The following RNF157 variants were observed in gnomAD, a reference collection of about 807,000 sequenced individuals.
The protein encoded by RNF157 is E3 ubiquitin ligase RNF157.
RNF157 carries 55 observed loss-of-function variants against 88.3 expected under a neutral mutation model. The observed-to-expected ratio is 0.62, with a 90% CI of 0.50 to 0.78. The LOEUF (loss-of-function observed/expected upper bound fraction) is 0.78, where lower values mean the gene tolerates loss of function less well. RNF157 is among the 30% of genes least tolerant of loss of function. The pLI is 0.00. For synonymous variants in RNF157, 334 were observed against 341.2 expected (o/e 0.98, Z 0.23); for missense variants, 788 against 860.8 (o/e 0.92, Z 1.06).
chr17:76,189,964 G>A (rs1472719612), intron 2 of RNF157, among the ~76,000 whole-genome samples: 1 of 152,180 alleles, frequency 6.6e-6, no homozygotes, highest in Non-Finnish European at 1.5e-5. Context: ...AGACCTTCCA[G>A]CACCTCCCAC....
At chr17:76,191,130 T>A (rs934247945) in intron 2 of RNF157, among the ~76,000 whole-genome samples, 8 of 152,128 alleles carry the variant, frequency 5.3e-5, no homozygotes, top group African/African-American at 1.9e-4. Flanking sequence ...AAGGACTACA[T>A]TCTATTCTAT....
intron 6 of RNF157, 64 bp downstream of exon 6, chr17:76,166,397 G>C: frequency 4.4e-6 from 6 of 1,356,460 alleles, no homozygotes; most frequent in Non-Finnish European, 6.3e-6. Context: ...GGCCACAGCT[G>C]CTGCCAGGAA....
chr17:76,173,012 C>T (rs4789247), intron 3 of RNF157, among the ~76,000 whole-genome samples: 44,906 of 151,990 alleles, frequency 0.3, 7,509 homozygotes, highest in African/African-American at 0.46. Flanking sequence ...GAAGGCTGGG[C>T]GCGGTGGCTC....
intron 2 of RNF157, among the ~76,000 whole-genome samples, chr17:76,186,559 A>G (rs2069291999): frequency 6.6e-6 from 1 of 152,128 alleles, no homozygotes; most frequent in South Asian, 2.1e-4. Flanking sequence ...TACTTATGTA[A>G]GATTCAAGAT....
In RNF157 at chr17:76,240,356, CCGCTGCGG is replaced by C. The variant is rs945259845; in HGVS notation, c.-124_-117del. 7.0e-6 allele frequency: 2 copies of C among 286,640 alleles called. No homozygotes were observed. Among genetic ancestry groups the C allele is most frequent in the Non-Finnish European group, 1.0e-5 (2 of 194,426 alleles). 17.8% of individuals were successfully genotyped at this position (286,640 alleles called of 1,614,324 possible). A position where few individuals can be genotyped will look rare whatever the true frequency, so the allele number is the denominator to read the frequency against. On this transcript the variant is annotated 5_prime_UTR_variant, in exon 1 of 19. An upstream open reading frame in the 5' UTR loses its in-frame stop. Transcript: ENST00000269391. The surrounding 1 kb of genome is among the most constrained non-coding windows in gnomAD (Gnocchi z 4.4). ...GGCCGACTGCCCGCCGCGGCCGGCT[CCGCTGCGG>C]CGCTGCGGCTCTGGCGGCGGGGAGC...
rs559137512 is a variant in RNF157, at chr17:76,230,765, G to A, written c.88+9388C>T. ...GGGCAGGAGAATCGCTTGAACCCAGGAGACGGAGGTTGCAATGAGCCAGGA... is the reference window on the plus strand; with the variant it reads ...GGGCAGGAGAATCGCTTGAACCCAGAAGACGGAGGTTGCAATGAGCCAGGA... On this transcript the variant is annotated intron_variant, in intron 1 of 18. Transcript: ENST00000269391. Among the ~76,000 whole-genome samples, 136 of 147,562 alleles carry A rather than the reference G, an allele frequency of 9.2e-4. 1 individual carries two copies. The highest frequency in any genetic ancestry group is 1.5e-3 in the Non-Finnish European group (100 of 67,382).
chr17:76,209,645 GC>G (rs1326684227), intron 2 of RNF157, among the ~76,000 whole-genome samples: 5 of 152,010 alleles, frequency 3.3e-5, no homozygotes, highest in Non-Finnish European at 5.9e-5. Context: ...GACTGAAAAG[GC>G]CAAAATTTTT....
chr17:76,154,581 C>A, intron 16 of RNF157: 1 of 440,522 alleles, frequency 2.3e-6, no homozygotes, highest in Non-Finnish European at 4.0e-6. Context: ...GTCAGGAACA[C>A]CCTTGTTAAT....
At chr17:76,185,249 C>T (rs2144922237) in intron 2 of RNF157, among the ~76,000 whole-genome samples, 1 of 152,302 alleles carries the variant, frequency 6.6e-6, no homozygotes, top group East Asian at 1.9e-4. Flanking sequence ...AGGAAGCCTC[C>T]CTTCCCAGCA....
At chr17:76,213,378 T>G (rs570108566) in intron 1 of RNF157, among the ~76,000 whole-genome samples, 1 of 152,168 alleles carries the variant, frequency 6.6e-6, no homozygotes, top group African/African-American at 2.4e-5. Context: ...GAGACCAGCC[T>G]GGCCAACACG....
intron 2 of RNF157, among the ~76,000 whole-genome samples, chr17:76,206,719 C>T (rs900837995): frequency 6.6e-5 from 10 of 152,154 alleles, no homozygotes. Context: ...CTTGGGATCT[C>T]GGCTCACTGC....
At chr17:76,171,249 TA>T (rs1162951244) in intron 3 of RNF157, among the ~76,000 whole-genome samples, 2 of 145,666 alleles carry the variant, frequency 1.4e-5, no homozygotes, top group African/African-American at 5.1e-5. Flanking sequence ...AGTGCAGTGG[TA>T]CAATCTCGGC....
intron 18 of RNF157, among the ~76,000 whole-genome samples, chr17:76,149,966 G>A (rs2068649036): frequency 6.6e-6 from 1 of 152,118 alleles, no homozygotes; most frequent in African/African-American, 2.4e-5. Flanking sequence ...CCAGGAGGTG[G>A]AGGTTGCAGT....
intron 2 of RNF157, among the ~76,000 whole-genome samples, chr17:76,185,604 G>T (rs1176744607): frequency 6.6e-6 from 1 of 151,694 alleles, no homozygotes; most frequent in East Asian, 1.9e-4. Context: ...CGAGTAGCTG[G>T]GACTACAGGC....
Position 76,146,876 on chromosome 17 carries a change from G to T in RNF157, c.1922-1523C>A. On this transcript the variant is annotated intron_variant, in intron 18 of 18. Coordinates refer to ENST00000269391, the MANE Select transcript of RNF157 (RefSeq NM_052916.3). This position sits in a 1 kb window ranked among gnomAD's most constrained non-coding sequence, Gnocchi z 4.2. ...AGAGAGGCCACTCACAAGTGTCCAG[G>T]GTCAGCCTCAGGCCAGCCCAGGACA... The T allele has an allele frequency of 1.0e-6, 1 of 985,458 alleles. No homozygotes were observed. Among genetic ancestry groups the T allele is most frequent in the Non-Finnish European group, 1.2e-6 (1 of 829,942 alleles). The allele number at this position is 985,458 out of a possible 1,614,324, so 61.0% of individuals were successfully genotyped here. A position where few individuals can be genotyped will look rare whatever the true frequency, so the allele number is the denominator to read the frequency against.
At chr17:76,211,295 A>C (rs573823798) in intron 2 of RNF157, among the ~76,000 whole-genome samples, 13 of 152,192 alleles carry the variant, frequency 8.5e-5, no homozygotes, top group Non-Finnish European at 1.9e-4. Context: ...GAAAGGCCTC[A>C]TCCAACCCAC....
intron 1 of RNF157, among the ~76,000 whole-genome samples, chr17:76,230,929 T>G (rs1031563547): frequency 7.7e-6 from 1 of 130,548 alleles, no homozygotes; most frequent in Non-Finnish European, 1.6e-5. Flanking sequence ...GATTAAAAGA[T>G]TTAATCTTTT....
rs1022160288 is a variant in RNF157 at position 76,176,502 on chromosome 17, A to G, written c.208-2712T>C. Among the ~76,000 whole-genome samples, 2 of 152,172 alleles carry G rather than the reference A, an allele frequency of 1.3e-5. No individual in the cohort carries two copies. The highest frequency in any genetic ancestry group is 2.9e-5 in the Non-Finnish European group (2 of 68,022). On this transcript the variant is annotated intron_variant, in intron 2 of 18. Transcript: ENST00000269391. The surrounding 1 kb of genome is among the most constrained non-coding windows in gnomAD (Gnocchi z 4.2). ...CCTACTATTACTCTCGAAATTTCTT[A>G]GTGAGTTATCTTCCTTTCAAAAATT... is the stretch of plus-strand genomic sequence containing the variant.
rs1159457778 is a variant in RNF157 at position 76,142,555 on chromosome 17, T to C, written c.*2680A>G. On this transcript the variant is annotated 3_prime_UTR_variant, in exon 19 of 19. Transcript: ENST00000269391. Reference sequence around the variant, plus strand: ...TGCATTCTTGATGTCCCCACTGTAGTGTGACCACAAGTGTACTCCAGGGAG... The same window carrying C: ...TGCATTCTTGATGTCCCCACTGTAGCGTGACCACAAGTGTACTCCAGGGAG... 6.6e-6 allele frequency: 1 copy of C among 152,304 alleles called. No individual in the cohort carries two copies. Among genetic ancestry groups the C allele is most frequent in the African/African-American group, 2.4e-5 (1 of 41,462 alleles). 9.4% of individuals were successfully genotyped at this position (152,304 alleles called of 1,614,324 possible).
Sources: allele counts gnomAD v4.1 joint callset (sites outside exome capture counted in the v4.1 genomes callset), GRCh38; gene constraint gnomAD v4.1.1; non-coding constraint Gnocchi (gnomAD v3.1); transcripts MANE v1.5; gene names NCBI Gene and HGNC (gene_info 2026-07-23, HGNC 2026-07-21).